The following POLR3G variants were observed in gnomAD, a reference collection of about 807,000 sequenced individuals.
The protein encoded by POLR3G is DNA-directed RNA polymerase III subunit RPC7.
Under a neutral mutation model 30.1 loss-of-function variants are expected in POLR3G, and 28 were observed. The observed-to-expected ratio is 0.93, with a 90% CI of 0.69 to 1.27. The LOEUF (loss-of-function observed/expected upper bound fraction) is 1.27, where lower values mean the gene tolerates loss of function less well. Among genes scored for constraint, POLR3G ranks in the 50% most tolerant of loss-of-function variants. The pLI is 0.00. For missense variants in POLR3G, 254 were observed against 264.6 expected (o/e 0.96, Z 0.28); for synonymous variants, 79 against 82.5 (o/e 0.96, Z 0.23).
chr5:90,489,570 T>C (rs908572475), intron 3 of POLR3G, among the ~76,000 whole-genome samples: 3 of 152,122 alleles, frequency 2.0e-5, no homozygotes, highest in African/African-American at 7.2e-5. Context: ...CCCGGCCTAA[T>C]ACTGAAATTT....
At chr5:90,501,136 T>C (rs2151911899) in intron 5 of POLR3G, among the ~76,000 whole-genome samples, 1 of 152,326 alleles carries the variant, frequency 6.6e-6, no homozygotes, top group South Asian at 2.1e-4. Flanking sequence ...TTTTAATCTT[T>C]ATTCCAAAGA....
chr5:90,512,950 G>A lies in POLR3G; in HGVS notation c.*811G>A, dbSNP rs1752804222. 6.6e-6 allele frequency: 1 copy of A among 152,058 alleles called. No individual in the cohort carries two copies. The highest frequency in any genetic ancestry group is 2.1e-4 in the South Asian group (1 of 4,832). The allele number at this position is 152,058 out of a possible 1,614,324, so 9.4% of individuals were successfully genotyped here. On this transcript the variant is annotated 3_prime_UTR_variant, in exon 8 of 8. Coordinates refer to ENST00000651687, the MANE Select transcript of POLR3G (RefSeq NM_006467.3). ...TTCTGGTCATATAAATATGTAGAATGCATGTGTGTGAACTCTATGAAGTGA... is the reference window on the plus strand; with the variant it reads ...TTCTGGTCATATAAATATGTAGAATACATGTGTGTGAACTCTATGAAGTGA...
chr5:90,502,856 A>G (rs372656453), intron 6 of POLR3G, among the ~76,000 whole-genome samples: 3 of 147,852 alleles, frequency 2.0e-5, no homozygotes, highest in East Asian at 2.0e-4. Flanking sequence ...TATTTAATTA[A>G]TATCCTACAT....
intron 5 of POLR3G, among the ~76,000 whole-genome samples, chr5:90,497,993 C>G (rs1242281896): frequency 6.6e-6 from 1 of 151,754 alleles, no homozygotes; most frequent in African/African-American, 2.4e-5. Flanking sequence ...ACCTGTAGTC[C>G]CAGCTACTTG....
intron 2 of POLR3G, among the ~76,000 whole-genome samples, chr5:90,486,238 G>A (rs1019161818): frequency 1.3e-5 from 2 of 152,152 alleles, no homozygotes; most frequent in Non-Finnish European, 2.9e-5. Flanking sequence ...GGATCTAGAT[G>A]TATCACACAA....
chr5:90,477,165 T>C (rs1459289456), intron 1 of POLR3G, among the ~76,000 whole-genome samples: 1 of 152,154 alleles, frequency 6.6e-6, no homozygotes, highest in Non-Finnish European at 1.5e-5. Context: ...CCTACCTCCA[T>C]GTAGGGTGGA....
chr5:90,487,687 G>A (rs1342846327), intron 2 of POLR3G, among the ~76,000 whole-genome samples: 3 of 152,090 alleles, frequency 2.0e-5, no homozygotes, highest in South Asian at 4.2e-4. Context: ...CACCATGCAC[G>A]GCCTGGTACT....
At chr5:90,490,571 A>ATTTTTTT in intron 3 of POLR3G, 1 of 314,542 alleles carries the variant, frequency 3.2e-6, no homozygotes, top group South Asian at 2.4e-5. Flanking sequence ...CTAACTTTTA[A>ATTTTTTT]TTTTTTTTTT....
Position 90,495,727 on chromosome 5 carries a change from A to G in POLR3G, c.298A>G (p.Ile100Val). ...RYMKVYKEEW[I>V]PDWRRLPREM... ...CATGAAGGTATACAAGGAAGAATGGATACCAGGTAACTACAAAACACACAA... is the reference window on the plus strand; with the variant it reads ...CATGAAGGTATACAAGGAAGAATGGGTACCAGGTAACTACAAAACACACAA... The change falls in exon 4 of 8, where the codon ATA (isoleucine) becomes GTA (valine). Residue 100 changes from isoleucine (I) to valine (V), a missense_variant. Transcript: ENST00000651687. 1 of 1,597,462 alleles carries G rather than the reference A, an allele frequency of 6.3e-7. No individual in the cohort carries two copies. The highest frequency in any genetic ancestry group is 2.3e-5 in the East Asian group (1 of 44,002).
chr5:90,495,536 C>T, intron 3 of POLR3G, 141 bp from the exon 4 acceptor site: 5 of 1,377,998 alleles, frequency 3.6e-6, no homozygotes, highest in Admixed American at 6.8e-5. Flanking sequence ...TTTTCCCATT[C>T]TCTTATGTAC....
At chr5:90,495,637 T>C in intron 3 of POLR3G, 40 bp from the exon 4 acceptor site, 1 of 1,592,102 alleles carries the variant, frequency 6.3e-7, no homozygotes, top group East Asian at 2.3e-5. Context: ...AGGGTTACTG[T>C]TGATTTTCCT....
intron 1 of POLR3G, 58 bp from the exon 2 acceptor site, chr5:90,485,467 G>T: frequency 1.2e-6 from 1 of 801,696 alleles, no homozygotes; most frequent in Non-Finnish European, 2.1e-6. Flanking sequence ...TTTATATTTT[G>T]CTTTAAAGTG....
At chr5:90,494,596 C>G (rs1181565704) in intron 3 of POLR3G, among the ~76,000 whole-genome samples, 1 of 152,002 alleles carries the variant, frequency 6.6e-6, no homozygotes, top group Non-Finnish European at 1.5e-5. Flanking sequence ...GGTTGTAACA[C>G]AGTATCTCAT....
At position 90,512,980 on chromosome 5, in the gene POLR3G, T is replaced by A. The variant is rs1266478762; in HGVS notation, c.*841T>A. On this transcript the variant is annotated 3_prime_UTR_variant, in exon 8 of 8. Coordinates refer to ENST00000651687, the MANE Select transcript of POLR3G (RefSeq NM_006467.3). ...TGTGTGAACTCTATGAAGTGAAGTG[T>A]GGTGGCCTTTTATGTTTCAGAGTAC... is the stretch of plus-strand genomic sequence containing the variant. 1 of 152,088 alleles carries A rather than the reference T, an allele frequency of 6.6e-6. No homozygotes were observed. Among genetic ancestry groups the A allele is most frequent in the Non-Finnish European group, 1.5e-5 (1 of 67,970 alleles). 9.4% of individuals were successfully genotyped at this position (152,088 alleles called of 1,614,324 possible).
At chr5:90,474,690 G>A (rs779876850), upstream of POLR3G, 5 of 240,376 alleles carry the variant, frequency 2.1e-5, no homozygotes, top group Admixed American at 5.8e-5. Context: ...AGGGTGGGAA[G>A]AGCTAGAACC....
rs1752857400 is a variant in POLR3G, at chr5:90,514,115, T to C, written c.*1976T>C. ...CTGGGAGGTACCGTTAAGAGCCTTC[T>C]TTCCCCCTTTGAAAGATCCTTTTAC... On this transcript the variant is annotated 3_prime_UTR_variant, in exon 8 of 8. Coordinates refer to ENST00000651687, the MANE Select transcript of POLR3G (RefSeq NM_006467.3). The C allele has an allele frequency of 6.6e-6, 1 of 152,214 alleles. No individual in the cohort carries two copies. The highest frequency in any genetic ancestry group is 2.1e-4 in the South Asian group (1 of 4,834). 9.4% of individuals were successfully genotyped at this position (152,214 alleles called of 1,614,324 possible).
In POLR3G at chr5:90,495,676, G is replaced by C. The variant is rs1250497485; in HGVS notation, c.248-1G>C. 1.2e-6 allele frequency: 2 copies of C among 1,600,802 alleles called. No homozygotes were observed. Among genetic ancestry groups the C allele is most frequent in the East Asian group, 4.5e-5 (2 of 44,260 alleles). On this transcript the variant is annotated splice_acceptor_variant, in intron 3 of 7. Transcript: ENST00000651687. LOFTEE classifies it high-confidence loss of function. ...GAGTTCTTTATTCTTTTTTCCCCTA[G>C]ATATTGAAAGGTATAGTAAAAGATA...
At chr5:90,508,574 A>G (rs531019057) in intron 7 of POLR3G, among the ~76,000 whole-genome samples, 12 of 150,858 alleles carry the variant, frequency 8.0e-5, no homozygotes, top group African/African-American at 2.9e-4. Flanking sequence ...AGCTGTCATC[A>G]CCCCTCCCCC....
At chr5:90,481,304 A>G (rs1751111007) in intron 1 of POLR3G, among the ~76,000 whole-genome samples, 1 of 151,942 alleles carries the variant, frequency 6.6e-6, no homozygotes, top group Non-Finnish European at 1.5e-5. Context: ...AAGGAAAGAG[A>G]GAGCATCCCT....
Sources: gnomAD v4.1 joint callset for allele counts (sites outside exome capture counted in the v4.1 genomes callset) on GRCh38, gnomAD v4.1.1 for gene constraint, MANE v1.5 for transcripts, NCBI Gene and HGNC (gene_info 2026-07-23, HGNC 2026-07-21) for gene names.